Variants in COL5A2 observed in about 807,000 individuals in gnomAD.
The protein encoded by COL5A2 is collagen alpha-2(V) chain.
A neutral mutation model predicts 208.2 loss-of-function variants in COL5A2; 23 were observed. The ratio of observed to expected loss-of-function variants is 0.11; its 90% CI spans 0.08 to 0.16. The LOEUF is 0.16. Among genes scored for constraint, COL5A2 ranks in the 10% least tolerant of loss-of-function variants. The pLI, the probability that COL5A2 is intolerant of heterozygous loss-of-function variation, is 1.00. For synonymous variants in COL5A2, 625 were observed against 628.5 expected, an observed-to-expected ratio of 0.99 and a Z score of 0.08; for missense variants, 1,590 against 1,956.4, an observed-to-expected ratio of 0.81 and a Z score of 3.53.
At chr2:189,256,889 A>T in the COL5A2 span, among the ~76,000 whole-genome samples, 2 of 152,114 alleles carry the variant, frequency 1.3e-5, no homozygotes, top group African/African-American at 4.8e-5. Flanking sequence ...CGGCCTCCCA[A>T]AGTGTTGGGA....
the COL5A2 span, among the ~76,000 whole-genome samples, chr2:189,322,933 G>C: frequency 5.9e-5 from 9 of 152,238 alleles, 1 homozygote; most frequent in Admixed American, 3.9e-4. Flanking sequence ...CAATAAAATA[G>C]TGGCAAACTG....
At chr2:189,310,430 TGAA>T in the COL5A2 span, among the ~76,000 whole-genome samples, 1 of 152,204 alleles carries the variant, frequency 6.6e-6, no homozygotes, top group Admixed American at 6.5e-5. Context: ...TAACAAATGC[TGAA>T]GAAGATGTGT....
intron 1 of COL5A2, among the ~76,000 whole-genome samples, chr2:189,203,223 C>T (rs150407189): frequency 9.8e-4 from 149 of 152,280 alleles, no homozygotes; most frequent in Non-Finnish European, 1.8e-3. Context: ...AGTGGCATTG[C>T]TTTCAAGTTT....
intron 45 of COL5A2, among the ~76,000 whole-genome samples, chr2:189,047,428 G>T (rs944150718): frequency 4.6e-5 from 7 of 152,124 alleles, no homozygotes; most frequent in Non-Finnish European, 2.9e-5. Context: ...TCAATATGAG[G>T]TTGAGTGTCT....
chr2:189,407,947 T>A, the COL5A2 span, among the ~76,000 whole-genome samples: 1 of 152,192 alleles, frequency 6.6e-6, no homozygotes, highest in African/African-American at 2.4e-5. Context: ...CAGACCTCGT[T>A]ATGGCAAGTG....
rs1036346495 is a variant in COL5A2 at position 189,064,503 on chromosome 2, A to C, written c.1716+54T>G. The C allele has an allele frequency of 2.4e-6, 3 of 1,247,378 alleles. No homozygotes were observed. The Admixed American group carries it at 5.0e-5, about 21-fold the overall frequency. 77.3% of individuals were successfully genotyped at this position (1,247,378 alleles called of 1,614,324 possible). On this transcript the variant is annotated intron_variant, in intron 25 of 53. Coordinates refer to ENST00000374866, the MANE Select transcript of COL5A2 (RefSeq NM_000393.5). Reference sequence around the variant, plus strand: ...AAACAAACAAAAACCCGACCAATGCATGCTCAGGAGCACTTCTCCCCTTTG... The same window carrying C: ...AAACAAACAAAAACCCGACCAATGCCTGCTCAGGAGCACTTCTCCCCTTTG...
At chr2:189,263,559 A>C in the COL5A2 span, among the ~76,000 whole-genome samples, 5 of 152,128 alleles carry the variant, frequency 3.3e-5, no homozygotes, top group Non-Finnish European at 5.9e-5. Context: ...CAGTCACATA[A>C]AAGTGTAGAG....
rs267599126 is a variant in COL5A2, at chr2:189,041,668, G to A, written c.3551C>T (p.Ser1184Leu). The change falls in exon 50 of 54, where the codon TCA becomes TTA. Residue 1184 changes from serine (S) to leucine (L), a missense_variant. Physicochemically the swap from Ser to Leu is moderately radical, Grantham distance 145. Transcript: ENST00000374866. The part of the protein sequence containing the change: ...PRGPPGPVGP[S>L]GKEGNPGPLG... ...TGGCCCAGGGTTTCCTTCTTTACCT[G>A]AAGGACCAACTGGGCCTGGAGGACC... 1 of 1,614,058 alleles carries A rather than the reference G, an allele frequency of 6.2e-7. No homozygotes were observed. Among genetic ancestry groups the A allele is most frequent in the Admixed American group, 1.7e-5 (1 of 60,020 alleles).
intron 1 of COL5A2, among the ~76,000 whole-genome samples, chr2:189,191,189 AAACCACTCAGGTGGCTT>A (rs1688923397): frequency 1.3e-5 from 2 of 151,060 alleles, no homozygotes; most frequent in African/African-American, 2.4e-5. Context: ...ACAACAAAAA[AAACCACTCAGGTGGCTT>A]AAAGAAATTG....
the COL5A2 span, among the ~76,000 whole-genome samples, chr2:189,309,937 C>A: frequency 6.6e-6 from 1 of 152,284 alleles, no homozygotes; most frequent in East Asian, 1.9e-4. Flanking sequence ...AGTTACATGG[C>A]CCCATGTTGA....
At chr2:189,409,204 CTTTTTTTTTT>C in the COL5A2 span, among the ~76,000 whole-genome samples, 1 of 92,084 alleles carries the variant, frequency 1.1e-5, no homozygotes, top group East Asian at 3.5e-4. Flanking sequence ...TAAATTTACT[CTTTTTTTTTT>C]TTTTTTTTTT....
the COL5A2 span, among the ~76,000 whole-genome samples, chr2:189,433,724 T>C: frequency 4.5e-3 from 679 of 152,206 alleles, 7 homozygotes; most frequent in African/African-American, 0.015. Flanking sequence ...CAGGACCAGA[T>C]GGATTCACAG....
At chr2:189,134,128 T>G (rs1477898035) in intron 1 of COL5A2, among the ~76,000 whole-genome samples, 2 of 152,212 alleles carry the variant, frequency 1.3e-5, no homozygotes, top group African/African-American at 2.4e-5. Context: ...GTTATTGGTA[T>G]ACTTGCCCTC....
At chr2:189,241,266 C>T in the COL5A2 span, among the ~76,000 whole-genome samples, 2 of 152,080 alleles carry the variant, frequency 1.3e-5, no homozygotes, top group African/African-American at 4.8e-5. Flanking sequence ...GAATGAACAA[C>T]TACCTATTGG....
At chr2:189,069,977 A>C (rs1229582956) in intron 18 of COL5A2, among the ~76,000 whole-genome samples, 1 of 152,220 alleles carries the variant, frequency 6.6e-6, no homozygotes, top group Non-Finnish European at 1.5e-5. Context: ...ATTAAAAGAT[A>C]CTTTTTAAAG....
At chr2:189,054,258 G>C in intron 35 of COL5A2, 46 bp from the exon 36 acceptor site, 1 of 1,360,076 alleles carries the variant, frequency 7.4e-7, no homozygotes, top group Non-Finnish European at 1.0e-6. Flanking sequence ...AAAATGCACA[G>C]AAATCTTCAT....
chr2:189,336,096 C>T, the COL5A2 span, among the ~76,000 whole-genome samples: 2 of 151,742 alleles, frequency 1.3e-5, no homozygotes, highest in Non-Finnish European at 2.9e-5. Flanking sequence ...GAAGAGACAC[C>T]TCATAAAGAA....
chr2:189,043,949 G>T (rs1685612315), intron 47 of COL5A2, among the ~76,000 whole-genome samples: 1 of 152,180 alleles, frequency 6.6e-6, no homozygotes. Flanking sequence ...GCTATACCCA[G>T]AGAAGAGGTG....
chr2:189,291,990 T>A, the COL5A2 span, among the ~76,000 whole-genome samples: 5 of 152,162 alleles, frequency 3.3e-5, no homozygotes, highest in Admixed American at 3.3e-4. Flanking sequence ...TATTATGTGA[T>A]CATAATTAAC....
Sources: allele counts gnomAD v4.1 joint callset (sites outside exome capture counted in the v4.1 genomes callset), GRCh38; gene constraint gnomAD v4.1.1; transcripts MANE v1.5; gene names NCBI Gene and HGNC (gene_info 2026-07-23, HGNC 2026-07-21).